The following PPP6R3 variants were observed in gnomAD, a reference collection of about 807,000 sequenced individuals.
PPP6R3 encodes the protein serine/threonine-protein phosphatase 6 regulatory subunit 3.
Under a neutral mutation model 110.7 loss-of-function variants are expected in PPP6R3, and 38 were observed. The ratio of observed to expected loss-of-function variants is 0.34; its 90% CI spans 0.26 to 0.45. PPP6R3 has a LOEUF of 0.45. Among genes scored for constraint, PPP6R3 ranks in the 20% least tolerant of loss-of-function variants. The pLI, the probability that PPP6R3 is intolerant of heterozygous loss-of-function variation, is 1.00. For synonymous variants in PPP6R3, 369 were observed against 373.5 expected (o/e 0.99, Z 0.14); for missense variants, 870 against 1,062.4 (o/e 0.82, Z 2.52).
At chr11:68,542,652 C>T (rs1252739557) in intron 3 of PPP6R3, among the ~76,000 whole-genome samples, 2 of 152,158 alleles carry the variant, frequency 1.3e-5, no homozygotes, top group Non-Finnish European at 1.5e-5. Flanking sequence ...TCTTGGCCTC[C>T]CAAAGTGCTG....
chr11:68,602,002 G>A, intron 21 of PPP6R3, 33 bp downstream of exon 21: 2 of 1,516,746 alleles, frequency 1.3e-6, no homozygotes, highest in East Asian at 2.3e-5. Flanking sequence ...ACACGCCAGG[G>A]TCACGTGGCT....
chr11:68,614,299 A>G lies in PPP6R3; in HGVS notation c.*1182A>G. On this transcript the variant is annotated 3_prime_UTR_variant, in exon 24 of 24. Coordinates refer to ENST00000393800, the MANE Select transcript of PPP6R3 (RefSeq NM_001164161.2). The stretch of plus-strand genomic sequence containing the variant: ...AATGTAATTTATAATTTTCTATGTC[A>G]ATACAAAAATACATCACAGCCTTCT... 1 of 1,048,738 alleles carries G rather than the reference A, an allele frequency of 9.5e-7. No individual in the cohort carries two copies. Among genetic ancestry groups the G allele is most frequent in the Non-Finnish European group, 1.1e-6 (1 of 869,680 alleles). The allele number at this position is 1,048,738 out of a possible 1,614,324, so 65.0% of individuals were successfully genotyped here.
chr11:68,558,500 CT>C, intron 7 of PPP6R3, 65 bp from the exon 8 acceptor site: 9 of 1,033,622 alleles, frequency 8.7e-6, no homozygotes, highest in Non-Finnish European at 1.3e-5. Flanking sequence ...GTACCGTCGT[CT>C]TTTTTTCTGA....
intron 2 of PPP6R3, among the ~76,000 whole-genome samples, chr11:68,524,730 G>C (rs1211078399): frequency 6.6e-6 from 1 of 152,134 alleles, no homozygotes. Context: ...CAAACAGTGT[G>C]ACTGCTGACT....
At chr11:68,506,730 A>T (rs932161753) in intron 1 of PPP6R3, among the ~76,000 whole-genome samples, 1 of 152,150 alleles carries the variant, frequency 6.6e-6, no homozygotes, top group Non-Finnish European at 1.5e-5. Context: ...CATCTTCCCC[A>T]TTCCTCTCAC....
At chr11:68,611,506 A>G (rs1441911026) in intron 23 of PPP6R3, among the ~76,000 whole-genome samples, 2 of 152,156 alleles carry the variant, frequency 1.3e-5, no homozygotes, top group African/African-American at 4.8e-5. Flanking sequence ...ATGGAGGAAA[A>G]GATGGGGTCA....
At chr11:68,463,143 G>T (rs1162860931) in intron 1 of PPP6R3, among the ~76,000 whole-genome samples, 1 of 152,120 alleles carries the variant, frequency 6.6e-6, no homozygotes, top group Non-Finnish European at 1.5e-5. Flanking sequence ...GGAGGCCGAG[G>T]CTGGCGGATC....
At chr11:68,467,579 A>G (rs2098757405) in intron 1 of PPP6R3, among the ~76,000 whole-genome samples, 2 of 152,122 alleles carry the variant, frequency 1.3e-5, no homozygotes, top group Admixed American at 1.3e-4. Flanking sequence ...TTGCCTGAGA[A>G]CACATGTCAC....
chr11:68,614,330 A>G lies in PPP6R3; in HGVS notation c.*1213A>G. On this transcript the variant is annotated 3_prime_UTR_variant, in exon 24 of 24. Coordinates refer to ENST00000393800, the MANE Select transcript of PPP6R3 (RefSeq NM_001164161.2). ...AAAATACATCACAGCCTTCTCAAAC[A>G]GCTCAAGCAATATATTGTATATTGC... The G allele has an allele frequency of 1.8e-6, 2 of 1,089,838 alleles. No individual in the cohort carries two copies. The highest frequency in any genetic ancestry group is 2.2e-6 in the Non-Finnish European group (2 of 895,808). The allele number at this position is 1,089,838 out of a possible 1,614,324, so 67.5% of individuals were successfully genotyped here.
At chr11:68,516,561 C>T (rs1338485957) in intron 1 of PPP6R3, among the ~76,000 whole-genome samples, 7 of 152,150 alleles carry the variant, frequency 4.6e-5, no homozygotes, top group African/African-American at 9.7e-5. Context: ...GGGGATACTC[C>T]GTCTCTACCA....
At chr11:68,580,833 A>G (rs965796423) in intron 14 of PPP6R3, among the ~76,000 whole-genome samples, 6 of 119,678 alleles carry the variant, frequency 5.0e-5, no homozygotes, top group South Asian at 5.5e-4. Flanking sequence ...GTGCAGTGGC[A>G]CGATCTCGGC....
intron 14 of PPP6R3, among the ~76,000 whole-genome samples, chr11:68,578,374 C>A (rs2099540212): frequency 6.6e-6 from 1 of 152,206 alleles, no homozygotes; most frequent in African/African-American, 2.4e-5. Context: ...CACTTGCCTT[C>A]TTAACATGCT....
chr11:68,483,195 G>T (rs1003037025), intron 1 of PPP6R3, among the ~76,000 whole-genome samples: 1 of 152,186 alleles, frequency 6.6e-6, no homozygotes, highest in African/African-American at 2.4e-5. Context: ...ACTTTTCTTA[G>T]AAAAGTATTT....
At position 68,588,032 on chromosome 11, in the gene PPP6R3, T is replaced by A; in HGVS notation, c.1730+8T>A. On this transcript the variant is annotated splice_region_variant and intron_variant, in intron 16 of 23. Transcript: ENST00000393800. ...TCAAGATGACATTGGCAAGTGAGTATGTTTTTCTGTTTCCGCTGTTGCTCT... is the reference window on the plus strand; with the variant it reads ...TCAAGATGACATTGGCAAGTGAGTAAGTTTTTCTGTTTCCGCTGTTGCTCT... The A allele has an allele frequency of 6.2e-7, 1 of 1,608,208 alleles. No individual in the cohort carries two copies. The highest frequency in any genetic ancestry group is 8.5e-7 in the Non-Finnish European group (1 of 1,174,590).
At chr11:68,508,202 C>T (rs541077349) in intron 1 of PPP6R3, among the ~76,000 whole-genome samples, 40 of 139,344 alleles carry the variant, frequency 2.9e-4, no homozygotes, top group Middle Eastern at 7.9e-3. Context: ...AGTCTTGGCT[C>T]ACTGCAGCCT....
At position 68,590,748 on chromosome 11, in the gene PPP6R3, C is replaced by T. The variant is rs138539001; in HGVS notation, c.1785+34C>T. On this transcript the variant is annotated intron_variant, in intron 17 of 23. Coordinates refer to ENST00000393800, the MANE Select transcript of PPP6R3 (RefSeq NM_001164161.2). The stretch of plus-strand genomic sequence containing the variant: ...AAACTCTGTTGTGAGCAGTGTGGCA[C>T]ATGAGAGGTTAAAAATTGGGTGAGT... 6.7e-5 allele frequency: 102 copies of T among 1,527,456 alleles called. No homozygotes were observed. The African/African-American group carries it at 1.2e-3, about 18-fold the overall frequency. 94.6% of individuals were successfully genotyped at this position (1,527,456 alleles called of 1,614,324 possible). A position where few individuals can be genotyped will look rare whatever the true frequency, so the allele number is the denominator to read the frequency against.
intron 22 of PPP6R3, among the ~76,000 whole-genome samples, chr11:68,607,658 G>A (rs1940943036): frequency 1.3e-5 from 2 of 152,164 alleles, no homozygotes. Context: ...AATACAGAAT[G>A]TCTTTTTAAC....
intron 1 of PPP6R3, among the ~76,000 whole-genome samples, chr11:68,500,737 A>C (rs1040867969): frequency 2.6e-5 from 4 of 152,176 alleles, no homozygotes; most frequent in Non-Finnish European, 4.4e-5. Flanking sequence ...TGGCCACCCA[A>C]AGTGCTGGGA....
intron 1 of PPP6R3, chr11:68,488,824 A>T (rs2098965246): frequency 6.6e-6 from 1 of 152,198 alleles, no homozygotes; most frequent in Non-Finnish European, 1.5e-5. Context: ...GAGGAATGCA[A>T]CAAGTCTCGC....
Sources: gnomAD v4.1 joint callset for allele counts (sites outside exome capture counted in the v4.1 genomes callset) on GRCh38, gnomAD v4.1.1 for gene constraint, MANE v1.5 for transcripts, NCBI Gene and HGNC (gene_info 2026-07-23, HGNC 2026-07-21) for gene names.